Variants in WDR27 observed in about 807,000 individuals in gnomAD.
WDR27 encodes the protein WD repeat-containing protein 27.
WDR27 carries 100 observed loss-of-function variants against 114.4 expected under a neutral mutation model. The observed-to-expected ratio is 0.87, with a 90% CI of 0.74 to 1.03. The LOEUF (loss-of-function observed/expected upper bound fraction) is 1.03. Ranked by LOEUF, WDR27 falls within the 50% of genes least tolerant of loss-of-function variation. WDR27 has a pLI of 0.00. For synonymous variants in WDR27, 449 were observed against 423.1 expected, an observed-to-expected ratio of 1.06 and a Z score of -0.75; for missense variants, 1,129 against 1,092.9, an observed-to-expected ratio of 1.03 and a Z score of -0.47.
At chr6:169,635,029 C>T (rs955573663) in intron 19 of WDR27, among the ~76,000 whole-genome samples, 6 of 152,204 alleles carry the variant, frequency 3.9e-5, no homozygotes, top group East Asian at 1.9e-4. Context: ...GAGATGGGAA[C>T]GCTGTGACAT....
chr6:169,585,521 C>A (rs1434165988), intron 23 of WDR27, among the ~76,000 whole-genome samples: 2 of 152,188 alleles, frequency 1.3e-5, no homozygotes, highest in African/African-American at 4.8e-5. Flanking sequence ...CCACATGAAG[C>A]TTTTGACTCT....
At chr6:169,450,367 A>G in the WDR27 span, among the ~76,000 whole-genome samples, 3 of 152,216 alleles carry the variant, frequency 2.0e-5, no homozygotes, top group Admixed American at 2.0e-4. Context: ...CAAGTGCCAG[A>G]CGGAGCCTGG....
At chr6:169,469,647 T>G (rs1001811201) in intron 25 of WDR27, among the ~76,000 whole-genome samples, 1 of 152,232 alleles carries the variant, frequency 6.6e-6, no homozygotes, top group Non-Finnish European at 1.5e-5. Flanking sequence ...CTGAATCATC[T>G]TCAGGATCAT....
At chr6:169,624,276 G>T (rs1438111299) in intron 21 of WDR27, among the ~76,000 whole-genome samples, 1 of 152,030 alleles carries the variant, frequency 6.6e-6, no homozygotes, top group African/African-American at 2.4e-5. Flanking sequence ...GGCGTGTGGT[G>T]TCAGGTGTGT....
intron 25 of WDR27, among the ~76,000 whole-genome samples, chr6:169,488,885 G>A (rs1789325770): frequency 6.6e-6 from 1 of 151,392 alleles, no homozygotes; most frequent in South Asian, 2.1e-4. Flanking sequence ...CCACGTATAG[G>A]TCACATTAAT....
At chr6:169,481,635 G>A (rs1424335792) in intron 25 of WDR27, among the ~76,000 whole-genome samples, 1 of 152,092 alleles carries the variant, frequency 6.6e-6, no homozygotes, top group East Asian at 1.9e-4. Flanking sequence ...CAGACGCACT[G>A]CCTTTATGAG....
chr6:169,667,874 A>G, intron 5 of WDR27, 108 bp downstream of exon 5: 1 of 1,087,946 alleles, frequency 9.2e-7, no homozygotes, highest in South Asian at 1.6e-5. Flanking sequence ...GGTAGAAACA[A>G]CATCACTCAG....
At chr6:169,574,048 T>C (rs777580659) in intron 24 of WDR27, among the ~76,000 whole-genome samples, 7 of 152,288 alleles carry the variant, frequency 4.6e-5, no homozygotes, top group Non-Finnish European at 8.8e-5. Flanking sequence ...TGTCCTCAGA[T>C]GTCCAACAAA....
At chr6:169,591,857 C>CTT (rs1805807897) in intron 23 of WDR27, among the ~76,000 whole-genome samples, 1 of 151,588 alleles carries the variant, frequency 6.6e-6, no homozygotes, top group Non-Finnish European at 1.5e-5. Flanking sequence ...CCTTTGATTT[C>CTT]TTTTCTCTTT....
chr6:169,611,648 C>T (rs372625513), intron 22 of WDR27, among the ~76,000 whole-genome samples: 22 of 152,176 alleles, frequency 1.4e-4, no homozygotes, highest in African/African-American at 4.1e-4. Flanking sequence ...TCTTACTCTA[C>T]ATGCTTTTTT....
chr6:169,666,927 C>T, intron 6 of WDR27: 1 of 985,430 alleles, frequency 1.0e-6, no homozygotes, highest in Non-Finnish European at 1.2e-6. Flanking sequence ...TCCAAGCATC[C>T]ATTTAATTTT....
chr6:169,536,674 G>A (rs922924701), intron 25 of WDR27, among the ~76,000 whole-genome samples: 1 of 152,140 alleles, frequency 6.6e-6, no homozygotes, highest in Admixed American at 6.5e-5. Context: ...GGATTAGGCA[G>A]CTGGGCTCAC....
chr6:169,548,577 T>G (rs1364933498), intron 25 of WDR27, among the ~76,000 whole-genome samples: 2 of 152,192 alleles, frequency 1.3e-5, no homozygotes, highest in Non-Finnish European at 2.9e-5. Context: ...ATATTTCATA[T>G]ACTGAGAAGA....
chr6:169,583,660 G>GT (rs1268750322), intron 23 of WDR27, among the ~76,000 whole-genome samples: 20 of 151,872 alleles, frequency 1.3e-4, no homozygotes, highest in Non-Finnish European at 2.4e-4. Flanking sequence ...GTAACAAAGT[G>GT]TATCAACAAA....
At chr6:169,634,768 C>T (rs765523019) in intron 19 of WDR27, among the ~76,000 whole-genome samples, 3 of 152,130 alleles carry the variant, frequency 2.0e-5, no homozygotes, top group Admixed American at 6.6e-5. Flanking sequence ...TCCCCCACGC[C>T]GTCCTCCTTC....
At position 169,593,773 on chromosome 6, in the gene WDR27, C is replaced by A. The variant is rs370311515; in HGVS notation, c.2424+8446G>T. Among the ~76,000 whole-genome samples the A allele has an allele frequency of 1.3e-5, 2 of 152,008 alleles. 1 individual carries two copies. The highest frequency in any genetic ancestry group is 3.9e-4 in the East Asian group (2 of 5,166). ...CTGAGGCAGGAGAACCTCTTGAACC[C>A]GGGAGGCGGAGGTTACAGTGAGCTG... On this transcript the variant is annotated intron_variant, in intron 23 of 25. Transcript: ENST00000448612.
chr6:169,523,627 T>TGCAAGAGTGG (rs151040517), intron 25 of WDR27, among the ~76,000 whole-genome samples: 2,472 of 152,134 alleles, frequency 0.016, 59 homozygotes, highest in African/African-American at 0.056. Flanking sequence ...ATCCTGGGGA[T>TGCAAGAGTGG]GCCAACATAT....
intron 25 of WDR27, among the ~76,000 whole-genome samples, chr6:169,492,525 T>C (rs1272381640): frequency 1.2e-4 from 18 of 152,248 alleles, no homozygotes; most frequent in African/African-American, 4.1e-4. Flanking sequence ...TTAAAGTGTT[T>C]ATAATAACTC....
At chr6:169,677,963 T>C (rs552033787) in intron 2 of WDR27, among the ~76,000 whole-genome samples, 39 of 152,324 alleles carry the variant, frequency 2.6e-4, no homozygotes, top group African/African-American at 9.1e-4. Flanking sequence ...AGAGGATTTG[T>C]GAGAATGCCT....
Sources: allele counts gnomAD v4.1 joint callset (sites outside exome capture counted in the v4.1 genomes callset), GRCh38; gene constraint gnomAD v4.1.1; transcripts MANE v1.5; gene names NCBI Gene and HGNC (gene_info 2026-07-23, HGNC 2026-07-21).